The following SFI1 variants were observed in gnomAD, a reference collection of about 807,000 sequenced individuals.
SFI1 encodes the protein SFI1 centrin binding protein, also known as protein SFI1 homolog.
In SFI1, 195 loss-of-function variants were observed where a neutral mutation model predicts 207.5. The observed-to-expected ratio is 0.94, with a 90% CI of 0.84 to 1.06. The LOEUF (loss-of-function observed/expected upper bound fraction) is 1.06. Among genes scored for constraint, SFI1 ranks in the 50% least tolerant of loss-of-function variants. SFI1 has a pLI of 0.00. For missense variants in SFI1, 1,634 were observed against 1,588.0 expected, an observed-to-expected ratio of 1.03 and a Z score of -0.49; for synonymous variants, 630 against 598.9, an observed-to-expected ratio of 1.05 and a Z score of -0.76.
chr22:31,556,070 C>T (rs900163150), intron 6 of SFI1, among the ~76,000 whole-genome samples: 1 of 152,008 alleles, frequency 6.6e-6, no homozygotes, highest in Middle Eastern at 3.4e-3. Context: ...GACCTGTGGG[C>T]CATTGCATCT....
chr22:31,615,570 G>C, intron 29 of SFI1: 1 of 343,148 alleles, frequency 2.9e-6, no homozygotes, highest in Non-Finnish European at 5.2e-6. Context: ...GGGTCCTGCA[G>C]GCCACAGTGA....
rs2056327359 is a variant in SFI1, at chr22:31,515,306, T to C, written c.92+6930T>C. Among the ~76,000 whole-genome samples the C allele has an allele frequency of 5.3e-5, 8 of 149,902 alleles. No homozygotes were observed. In the South Asian group the frequency reaches 1.7e-3, roughly 31 times the overall value. On this transcript the variant is annotated intron_variant, in intron 2 of 32. Transcript: ENST00000400288. Reference sequence around the variant, plus strand: ...ACCAACACTATACTAATCTGGTAGGTATGTCTCATTGTTCGTGTGTGTGTG... The same window carrying C: ...ACCAACACTATACTAATCTGGTAGGCATGTCTCATTGTTCGTGTGTGTGTG...
At chr22:31,512,026 AT>A (rs1348692856) in intron 2 of SFI1, among the ~76,000 whole-genome samples, 128 of 152,274 alleles carry the variant, frequency 8.4e-4, no homozygotes, top group African/African-American at 2.9e-3. Context: ...GAAACAAACA[AT>A]GTAACCATAA....
chr22:31,616,977 C>T (rs771658032), intron 30 of SFI1, 23 bp from the exon 31 acceptor site: 143 of 1,613,866 alleles, frequency 8.9e-5, no homozygotes, highest in Non-Finnish European at 1.2e-4. Flanking sequence ...TAGTCTGAAA[C>T]AAGCTTACTT....
At chr22:31,591,536 A>G (rs2065916757) in intron 15 of SFI1, among the ~76,000 whole-genome samples, 2 of 146,542 alleles carry the variant, frequency 1.4e-5, no homozygotes, top group Admixed American at 1.3e-4. Flanking sequence ...ACTTCCCAGT[A>G]GGGGTGGCCG....
rs775149641 is a variant in SFI1, at chr22:31,615,189, G to A, written c.3210G>A (p.Pro1070=). The part of the protein sequence containing the change: ...LPGALSSAPG[P]KQPPTASTGP... ...GGGCCCTGTCAAGCGCCCCTGGCCC[G>A]AAGCAGCCCCCGACGGCAAGCACAG... The change falls in exon 29 of 33, where the codon CCG becomes CCA. Residue 1070 remains proline (P), a synonymous_variant. Coordinates refer to ENST00000400288, the MANE Select transcript of SFI1 (RefSeq NM_001007467.3). 5.0e-6 allele frequency: 8 copies of A among 1,591,648 alleles called. No homozygotes were observed. The highest frequency in any genetic ancestry group is 1.4e-5 in the African/African-American group (1 of 73,862).
rs767327833 is a variant in SFI1, at chr22:31,613,701, G to C, written c.2842G>C (p.Ala948Pro). The change falls in exon 27 of 33, where the codon GCA becomes CCA. Residue 948 changes from alanine to proline, a missense_variant. Physicochemically the swap from Ala to Pro is conservative, Grantham distance 27 (BLOSUM62 -1). Coordinates refer to ENST00000400288, the MANE Select transcript of SFI1 (RefSeq NM_001007467.3). ...GAAGCCTCAGCCCCTGGCAGCCATCGCACCCAGCAGGAAAGTGACGTTTGA... is the reference window on the plus strand; with the variant it reads ...GAAGCCTCAGCCCCTGGCAGCCATCCCACCCAGCAGGAAAGTGACGTTTGA... ...GGKPQPLAAI[A>P]PSRKVTFEGP... 1 of 1,612,270 alleles carries C rather than the reference G, an allele frequency of 6.2e-7. No individual in the cohort carries two copies. Among genetic ancestry groups the C allele is most frequent in the South Asian group, 1.1e-5 (1 of 90,932 alleles).
intron 12 of SFI1, 21 bp downstream of exon 12, chr22:31,580,385 C>A (rs1192056266): frequency 1.3e-6 from 2 of 1,587,036 alleles, no homozygotes; most frequent in South Asian, 1.1e-5. Flanking sequence ...TCTTCTGTAT[C>A]AAGGGACCTC....
intron 17 of SFI1, among the ~76,000 whole-genome samples, 196 bp downstream of exon 17, chr22:31,602,981 C>A (rs1045507184): frequency 6.6e-6 from 1 of 152,208 alleles, no homozygotes; most frequent in Non-Finnish European, 1.5e-5. Flanking sequence ...GCCTGTAATC[C>A]CAGCACTTTG....
intron 1 of SFI1, among the ~76,000 whole-genome samples, chr22:31,501,202 A>T (rs13056823): frequency 0.72 from 108,239 of 149,850 alleles, 39,064 homozygotes; most frequent in Middle Eastern, 0.76. Flanking sequence ...GACGGAGTGT[A>T]GCTCTGTTGC....
rs770151236 is a variant in SFI1 at position 31,528,788 on chromosome 22, G to T, written c.191G>T (p.Ser64Ile). The change falls in exon 3 of 33, where the codon AGT becomes ATT. Residue 64 changes from serine to isoleucine, a missense_variant. By Grantham distance (142) the Ser-to-Ile change is moderately radical. Transcript: ENST00000400288. ...ASFGIRRELP[S>I]TSHLVQYRGT... ...TTTGGGATCCGGAGGGAGTTACCTA[G>T]TACCAGTCATCTAGTGCAGTATCGT... 2 of 1,614,036 alleles carry T rather than the reference G, an allele frequency of 1.2e-6. No individual in the cohort carries two copies. Among genetic ancestry groups the T allele is most frequent in the African/African-American group, 2.7e-5 (2 of 74,920 alleles).
In SFI1 at chr22:31,604,403, T is replaced by G. The variant is rs1303457278; in HGVS notation, c.1976T>G (p.Val659Gly). The G allele has an allele frequency of 5.2e-6, 8 of 1,524,670 alleles. No individual in the cohort carries two copies. In the South Asian group the frequency reaches 8.6e-5, roughly 16 times the overall value. 94.4% of individuals were successfully genotyped at this position (1,524,670 alleles called of 1,614,324 possible). Residue 659 changes from valine to glycine, a missense_variant and splice_region_variant, in exon 19 of 33, where the codon GTG (valine) becomes GGG (glycine). Val to Gly is a moderately radical substitution (Grantham distance 109, BLOSUM62 -3). Coordinates refer to ENST00000400288, the MANE Select transcript of SFI1 (RefSeq NM_001007467.3). ...SVLHRALQAW[V>G]TYQGRVRSIL... The stretch of plus-strand genomic sequence containing the variant: ...CTGCACAGGGCGCTGCAGGCATGGG[T>G]GGTAGGAACTGCTGCTTCCCTCCTG...
chr22:31,594,138 C>A (rs760280650), intron 15 of SFI1, among the ~76,000 whole-genome samples: 1 of 152,172 alleles, frequency 6.6e-6, no homozygotes, highest in African/African-American at 2.4e-5. Flanking sequence ...GATCAGAGCA[C>A]GGTGGGACCT....
intron 8 of SFI1, among the ~76,000 whole-genome samples, chr22:31,564,914 C>T (rs1441959607): frequency 2.0e-5 from 3 of 148,784 alleles, no homozygotes; most frequent in Non-Finnish European, 4.5e-5. Context: ...CCCGGGTTCA[C>T]GTCATTCTCC....
Position 31,616,835 on chromosome 22 carries a change from G to A in SFI1, c.3391G>A (p.Asp1131Asn). Residue 1131 changes from aspartate (D) to asparagine (N), a missense_variant, in exon 30 of 33, where the codon GAC becomes AAC. Asp to Asn is a conservative substitution (Grantham distance 23, BLOSUM62 1). Transcript: ENST00000400288. ...VPDPHLLLPG[D>N]FSATRAGPGL... is the part of the protein sequence containing the mutation. ...TGACCCCCATCTACTCCTTCCTGGGGACTTCTCAGCCACCAGGGCTGGGCC... is the reference window on the plus strand; with the variant it reads ...TGACCCCCATCTACTCCTTCCTGGGAACTTCTCAGCCACCAGGGCTGGGCC... 1 of 1,613,012 alleles carries A rather than the reference G, an allele frequency of 6.2e-7. No individual in the cohort carries two copies. Among genetic ancestry groups the A allele is most frequent in the Non-Finnish European group, 8.5e-7 (1 of 1,179,464 alleles).
At position 31,618,493 on chromosome 22, in the gene SFI1, T is replaced by A; in HGVS notation, c.*75T>A. The A allele has an allele frequency of 7.5e-7, 1 of 1,337,652 alleles. No individual in the cohort carries two copies. 82.9% of individuals were successfully genotyped at this position (1,337,652 alleles called of 1,614,324 possible). On this transcript the variant is annotated 3_prime_UTR_variant, in exon 33 of 33. Coordinates refer to ENST00000400288, the MANE Select transcript of SFI1 (RefSeq NM_001007467.3). ...CCACCTCCAGGAACAGAACACAGTT[T>A]TAAGTTTGATTTTTTTTATTTCAAA...
At position 31,531,136 on chromosome 22, in the gene SFI1, T is replaced by G. The variant is rs375629601; in HGVS notation, c.338+7T>G. ...TATTTCCCTCTAAAGCCAGGTAGTA[T>G]TAGCTCAGAACAACATAATTGTGTT... On this transcript the variant is annotated splice_region_variant and intron_variant, in intron 4 of 32. Coordinates refer to ENST00000400288, the MANE Select transcript of SFI1 (RefSeq NM_001007467.3). 8 of 1,607,828 alleles carry G rather than the reference T, an allele frequency of 5.0e-6. No homozygotes were observed. The highest frequency in any genetic ancestry group is 1.1e-5 in the South Asian group (1 of 90,542).
chr22:31,513,012 G>T (rs1418200486), intron 2 of SFI1, among the ~76,000 whole-genome samples: 1 of 151,998 alleles, frequency 6.6e-6, no homozygotes, highest in Non-Finnish European at 1.5e-5. Flanking sequence ...ATACAGATAG[G>T]GTTTCACCAT....
chr22:31,547,336 A>G (rs2060182856), intron 5 of SFI1, among the ~76,000 whole-genome samples: 1 of 152,168 alleles, frequency 6.6e-6, no homozygotes, highest in Non-Finnish European at 1.5e-5. Context: ...TTTGAGACAG[A>G]GTCTCACTCT....
Sources: gnomAD v4.1 joint callset for allele counts (sites outside exome capture counted in the v4.1 genomes callset) on GRCh38, gnomAD v4.1.1 for gene constraint, MANE v1.5 for transcripts, NCBI Gene and HGNC (gene_info 2026-07-23, HGNC 2026-07-21) for gene names.